The following ATF2 variants were observed in gnomAD, a reference collection of about 807,000 sequenced individuals.
The protein encoded by ATF2 is cyclic AMP-dependent transcription factor ATF-2.
In ATF2, 24 loss-of-function variants were observed where a neutral mutation model predicts 60.6. The ratio of observed to expected loss-of-function variants is 0.40; its 90% CI spans 0.29 to 0.56. ATF2 has a LOEUF of 0.56. Ranked by LOEUF, ATF2 falls within the 20% of genes least tolerant of loss-of-function variation. ATF2 has a pLI of 0.54. For missense variants in ATF2, 433 were observed against 607.7 expected (o/e 0.71, Z 3.02); for synonymous variants, 206 against 215.4 (o/e 0.96, Z 0.38).
At chr2:175,113,128 G>A (rs1696317468) in intron 9 of ATF2, among the ~76,000 whole-genome samples, 1 of 152,118 alleles carries the variant, frequency 6.6e-6, no homozygotes, top group Admixed American at 6.5e-5. Context: ...GTGGTTCTCA[G>A]GATGAAAATT....
At chr2:175,144,389 G>C (rs773105525) in intron 2 of ATF2, among the ~76,000 whole-genome samples, 1 of 152,212 alleles carries the variant, frequency 6.6e-6, no homozygotes, top group Non-Finnish European at 1.5e-5. Context: ...AGAATTTCTA[G>C]AGTTATTAGA....
intron 2 of ATF2, among the ~76,000 whole-genome samples, chr2:175,150,371 C>A (rs948914439): frequency 2.0e-5 from 3 of 152,120 alleles, no homozygotes; most frequent in African/African-American, 4.8e-5. Flanking sequence ...AGATTTTGTA[C>A]GCCAGACTAC....
Position 175,135,325 on chromosome 2 carries a change from CA to C in ATF2, c.32+1086del, listed in dbSNP as rs373030658. On this transcript the variant is annotated intron_variant, in intron 3 of 13. Coordinates refer to ENST00000264110, the MANE Select transcript of ATF2 (RefSeq NM_001880.4). The stretch of plus-strand genomic sequence containing the variant: ...TGTTAAGGGTGGGGACAGGGAATGT[CA>C]AAAGTCGAAAGTGAATCTAATCAAG... Among the ~76,000 whole-genome samples the C allele has an allele frequency of 1.9e-4, 29 of 152,202 alleles. No individual in the cohort carries two copies. The East Asian group carries it at 3.5e-3, about 18-fold the overall frequency.
chr2:175,156,440 T>C (rs946391028), intron 1 of ATF2, among the ~76,000 whole-genome samples: 1 of 148,304 alleles, frequency 6.7e-6, no homozygotes, highest in African/African-American at 2.5e-5. Flanking sequence ...ATTCCTGGGT[T>C]ATCCAGGAAT....
Position 175,075,469 on chromosome 2 carries a change from C to T in ATF2, c.1292-634G>A, listed in dbSNP as rs563837595. On this transcript the variant is annotated intron_variant, in intron 13 of 13. Transcript: ENST00000264110. Reference sequence around the variant, plus strand: ...GATTCAAGTAAAAATCCATATAAAACTCTAAACATTGCATCTGAAAAGATA... The same window carrying T: ...GATTCAAGTAAAAATCCATATAAAATTCTAAACATTGCATCTGAAAAGATA... Among the ~76,000 whole-genome samples the T allele has an allele frequency of 4.6e-5, 7 of 152,154 alleles. No homozygotes were observed. In the South Asian group the frequency reaches 1.2e-3, roughly 27 times the overall value.
intron 10 of ATF2, among the ~76,000 whole-genome samples, chr2:175,109,268 A>G (rs1272705299): frequency 6.6e-6 from 1 of 151,890 alleles, no homozygotes; most frequent in Admixed American, 6.5e-5. Flanking sequence ...AGGAGAATGG[A>G]CAAAGAAATT....
At chr2:175,095,813 T>G (rs1165390292) in intron 11 of ATF2, among the ~76,000 whole-genome samples, 1 of 152,208 alleles carries the variant, frequency 6.6e-6, no homozygotes, top group Non-Finnish European at 1.5e-5. Context: ...GACAATAAAT[T>G]ATATTCATTT....
chr2:175,155,477 A>G (rs1291302114), intron 1 of ATF2, among the ~76,000 whole-genome samples: 2 of 152,234 alleles, frequency 1.3e-5, no homozygotes, highest in African/African-American at 4.8e-5. Flanking sequence ...TTTATTGTAT[A>G]GTGTGATGAC....
intron 2 of ATF2, among the ~76,000 whole-genome samples, chr2:175,139,240 G>T (rs907938111): frequency 1.3e-5 from 2 of 152,040 alleles, no homozygotes; most frequent in Admixed American, 1.3e-4. Context: ...ATTGTTAAAA[G>T]AAATTATATC....
chr2:175,102,075 T>TA lies in ATF2; in HGVS notation c.829-4483dup, dbSNP rs546026212. ...TTGAAGAAGGCCAAATACTTTGGTTTAAAAAAAAAATCAATGAAAACAAAT... is the reference window on the plus strand; with the variant it reads ...TTGAAGAAGGCCAAATACTTTGGTTTAAAAAAAAAAATCAATGAAAACAAAT... On this transcript the variant is annotated intron_variant, in intron 10 of 13. Coordinates refer to ENST00000264110, the MANE Select transcript of ATF2 (RefSeq NM_001880.4). Among the ~76,000 whole-genome samples, 465 of 150,264 alleles carry TA rather than the reference T, an allele frequency of 3.1e-3. 2 individuals carry two copies. Among genetic ancestry groups the TA allele is most frequent in the Non-Finnish European group, 5.0e-3 (338 of 67,366 alleles).
intron 12 of ATF2, among the ~76,000 whole-genome samples, chr2:175,085,586 ACACACACACACAAATT>A: frequency 6.6e-6 from 1 of 150,442 alleles, no homozygotes; most frequent in East Asian, 1.9e-4. Context: ...ACACACACAC[ACACACACACACAAATT>A]CTCTCTTTAA....
intron 1 of ATF2, among the ~76,000 whole-genome samples, chr2:175,164,427 G>A (rs1039146928): frequency 1.3e-5 from 2 of 152,022 alleles, no homozygotes; most frequent in Non-Finnish European, 1.5e-5. Context: ...CTAGTTATTC[G>A]GGAGGCTCAG....
chr2:175,083,913 C>G (rs373408141), intron 12 of ATF2, among the ~76,000 whole-genome samples: 2 of 152,126 alleles, frequency 1.3e-5, no homozygotes, highest in Non-Finnish European at 2.9e-5. Flanking sequence ...CACTGGCCAT[C>G]GGAGAAATGC....
At position 175,073,533 on chromosome 2, in the gene ATF2, T is replaced by A. The variant is rs1693079059; in HGVS notation, c.*1076A>T. On this transcript the variant is annotated 3_prime_UTR_variant, in exon 14 of 14. Transcript: ENST00000264110. ...TTCATGCACACTTCCCACATTATAATTACATTGTTCTAAAGATAGATACTG... is the reference window on the plus strand; with the variant it reads ...TTCATGCACACTTCCCACATTATAAATACATTGTTCTAAAGATAGATACTG... The A allele has an allele frequency of 6.6e-6, 1 of 151,912 alleles. No homozygotes were observed. Among genetic ancestry groups the A allele is most frequent in the African/African-American group, 2.4e-5 (1 of 41,378 alleles). 9.4% of individuals were successfully genotyped at this position (151,912 alleles called of 1,614,324 possible).
chr2:175,156,386 A>C (rs1367171255), intron 1 of ATF2, among the ~76,000 whole-genome samples: 39 of 149,238 alleles, frequency 2.6e-4, no homozygotes, highest in Admixed American at 7.3e-4. Flanking sequence ...ACAAAAAAAA[A>C]AAAAAAAAAA....
At position 175,099,858 on chromosome 2, in the gene ATF2, G is replaced by A. The variant is rs1283595984; in HGVS notation, c.829-2265C>T. ...GCACCATGCTGCATACTTTATCCTT[G>A]GTGCTACCAGAAAACACAGGGAAAA... On this transcript the variant is annotated intron_variant, in intron 10 of 13. Transcript: ENST00000264110. 2.0e-5 allele frequency among the ~76,000 whole-genome samples: 3 copies of A among 152,106 alleles called. No individual in the cohort carries two copies. The East Asian group carries it at 5.8e-4, about 29-fold the overall frequency.
intron 4 of ATF2, among the ~76,000 whole-genome samples, chr2:175,124,331 C>G (rs1697176350): frequency 6.6e-6 from 1 of 150,562 alleles, no homozygotes; most frequent in Non-Finnish European, 1.5e-5. Context: ...AGGTAGCAAT[C>G]TCTCTTAAAA....
chr2:175,155,809 C>T (rs553324469), intron 1 of ATF2, among the ~76,000 whole-genome samples: 3 of 152,234 alleles, frequency 2.0e-5, no homozygotes, highest in Admixed American at 2.0e-4. Flanking sequence ...ATGACAGCAT[C>T]AAATCACTAT....
intron 1 of ATF2, among the ~76,000 whole-genome samples, chr2:175,154,997 G>A (rs895127384): frequency 6.6e-6 from 1 of 152,208 alleles, no homozygotes; most frequent in Non-Finnish European, 1.5e-5. Flanking sequence ...CTGTCCCTGT[G>A]GGAGGACAGG....
Sources: allele counts gnomAD v4.1 joint callset (sites outside exome capture counted in the v4.1 genomes callset), GRCh38; gene constraint gnomAD v4.1.1; transcripts MANE v1.5; gene names NCBI Gene and HGNC (gene_info 2026-07-23, HGNC 2026-07-21).